The following TIAM1 variants were observed in gnomAD, a reference collection of about 807,000 sequenced individuals.
TIAM1 encodes the protein rho guanine nucleotide exchange factor TIAM1.
Under a neutral mutation model 163.5 loss-of-function variants are expected in TIAM1, and 65 were observed. The ratio of observed to expected loss-of-function variants is 0.40; its 90% CI spans 0.33 to 0.49. The LOEUF (loss-of-function observed/expected upper bound fraction) is 0.49, where lower values mean the gene tolerates loss of function less well. Ranked by LOEUF, TIAM1 falls within the 20% of genes least tolerant of loss-of-function variation. The pLI is 0.77. For synonymous variants in TIAM1, 833 were observed against 810.1 expected (o/e 1.03, Z -0.48); for missense variants, 1,789 against 2,044.7 (o/e 0.87, Z 2.41).
chr21:31,174,985 AC>A (rs2084694106), intron 15 of TIAM1, among the ~76,000 whole-genome samples: 1 of 151,882 alleles, frequency 6.6e-6, no homozygotes, highest in East Asian at 1.9e-4. Flanking sequence ...TGCTTGTCTC[AC>A]AGGCTGTGTG....
chr21:31,166,292 G>A (rs1441619638), intron 15 of TIAM1, among the ~76,000 whole-genome samples: 6 of 152,202 alleles, frequency 3.9e-5, no homozygotes, highest in Non-Finnish European at 7.3e-5. Context: ...ACGGACTAGA[G>A]CACTATCAAT....
At chr21:31,163,870 CA>C (rs201600996) in intron 16 of TIAM1, among the ~76,000 whole-genome samples, 7 of 150,364 alleles carry the variant, frequency 4.7e-5, no homozygotes, top group African/African-American at 1.2e-4. Context: ...AAGCGTCAAG[CA>C]AAAAAAAGAG....
At chr21:31,176,122 C>G (rs564256195) in intron 15 of TIAM1, among the ~76,000 whole-genome samples, 1 of 152,122 alleles carries the variant, frequency 6.6e-6, no homozygotes, top group African/African-American at 2.4e-5. Flanking sequence ...ACTATTGTCT[C>G]GTAGTGGCTT....
intron 4 of TIAM1, among the ~76,000 whole-genome samples, chr21:31,259,586 C>T (rs894863609): frequency 6.6e-6 from 1 of 151,662 alleles, no homozygotes; most frequent in Non-Finnish European, 1.5e-5. Flanking sequence ...ATAGCCACTG[C>T]ACTCCAGCCT....
chr21:31,241,351 C>CAG (rs546997975), intron 6 of TIAM1, among the ~76,000 whole-genome samples: 1,657 of 152,254 alleles, frequency 0.011, 28 homozygotes, highest in African/African-American at 0.038. Flanking sequence ...AAGGCTAAGG[C>CAG]AGAGATGAAG....
intron 1 of TIAM1, among the ~76,000 whole-genome samples, chr21:31,517,220 C>G (rs953904729): frequency 1.3e-5 from 2 of 152,034 alleles, no homozygotes; most frequent in Non-Finnish European, 2.9e-5. Context: ...ATCACACGAT[C>G]TCAGGAGATC....
intron 2 of TIAM1, among the ~76,000 whole-genome samples, chr21:31,441,605 T>C (rs1450850769): frequency 6.6e-6 from 1 of 152,206 alleles, no homozygotes. Flanking sequence ...TAACCTTTTG[T>C]TGGGTTAAGC....
At chr21:31,324,244 G>A (rs2075411793) in intron 2 of TIAM1, among the ~76,000 whole-genome samples, 1 of 151,950 alleles carries the variant, frequency 6.6e-6, no homozygotes, top group South Asian at 2.1e-4. Context: ...GACAGACTGT[G>A]GGTGGATACT....
intron 2 of TIAM1, among the ~76,000 whole-genome samples, chr21:31,359,371 G>A (rs2076366001): frequency 6.6e-6 from 1 of 152,116 alleles, no homozygotes; most frequent in Non-Finnish European, 1.5e-5. Flanking sequence ...CACACAGTAG[G>A]ACCTAAAAAT....
At chr21:31,352,201 A>C (rs572398121) in intron 2 of TIAM1, among the ~76,000 whole-genome samples, 1 of 152,338 alleles carries the variant, frequency 6.6e-6, no homozygotes, top group East Asian at 1.9e-4. Flanking sequence ...CAGATGAATG[A>C]ATAAACAAAA....
chr21:31,135,776 G>C lies in TIAM1; in HGVS notation c.3883+157C>G, dbSNP rs71321371. Among the ~76,000 whole-genome samples the C allele has an allele frequency of 0.012, 1,874 of 152,320 alleles. 22 individuals carry two copies. The highest frequency in any genetic ancestry group is 0.02 in the Middle Eastern group (6 of 294). ...CAATTTAACTCGAAGGTTTCATTTA[G>C]TGTTTGTGAGATGTTGGTGGCTACG... On this transcript the variant is annotated intron_variant, in intron 23 of 27. Transcript: ENST00000541036.
chr21:31,518,295 G>GT (rs989098815), intron 1 of TIAM1, among the ~76,000 whole-genome samples: 30 of 150,888 alleles, frequency 2.0e-4, no homozygotes, highest in East Asian at 7.8e-4. Context: ...GTTTTTTGGG[G>GT]TTTTTTTTTG....
intron 27 of TIAM1, among the ~76,000 whole-genome samples, chr21:31,122,175 G>A (rs772439585): frequency 6.6e-6 from 1 of 152,096 alleles, no homozygotes; most frequent in African/African-American, 2.4e-5. Context: ...TGAGTGTTCC[G>A]CCATCTAAAA....
intron 1 of TIAM1, among the ~76,000 whole-genome samples, chr21:31,498,115 C>T (rs1264465947): frequency 6.6e-6 from 1 of 152,214 alleles, no homozygotes. Flanking sequence ...TAAACAGCAT[C>T]CAACCCTCTT....
Position 31,225,801 on chromosome 21 carries a change from T to C in TIAM1, c.1734A>G (p.Glu578=), listed in dbSNP as rs868317011. 6.2e-7 allele frequency: 1 copy of C among 1,614,200 alleles called. No homozygotes were observed. The highest frequency in any genetic ancestry group is 1.6e-4 in the Middle Eastern group (1 of 6,062). Residue 578 remains glutamate, a synonymous_variant, in exon 7 of 28, where the codon GAA becomes GAG. Transcript: ENST00000541036. ...KKLEQKIDMD[E]KMKKMGEMQL... Reference sequence around the variant, plus strand: ...GCATTTCACCCATTTTCTTCATCTTTTCATCCATGTCAATCTTCTGTTCCA... The same window carrying C: ...GCATTTCACCCATTTTCTTCATCTTCTCATCCATGTCAATCTTCTGTTCCA...
At chr21:31,513,421 T>C (rs1320882696) in intron 1 of TIAM1, among the ~76,000 whole-genome samples, 1 of 152,210 alleles carries the variant, frequency 6.6e-6, no homozygotes, top group African/African-American at 2.4e-5. Context: ...CTGTTCGCTA[T>C]TAAGCGAACT....
chr21:31,368,081 T>C (rs1337232605), intron 2 of TIAM1, among the ~76,000 whole-genome samples: 1 of 152,174 alleles, frequency 6.6e-6, no homozygotes. Context: ...TTTTAAAACA[T>C]GTTCTCTGAT....
At chr21:31,211,095 G>C (rs936639619) in intron 10 of TIAM1, among the ~76,000 whole-genome samples, 2 of 152,146 alleles carry the variant, frequency 1.3e-5, no homozygotes, top group African/African-American at 4.8e-5. Context: ...GAACTTGACG[G>C]ATAACATCAT....
chr21:31,391,025 C>T (rs1292077900), intron 2 of TIAM1, among the ~76,000 whole-genome samples: 1 of 152,124 alleles, frequency 6.6e-6, no homozygotes, highest in Non-Finnish European at 1.5e-5. Flanking sequence ...GATACCAGGG[C>T]ACCCTGGACC....
Sources: gnomAD v4.1 joint callset for allele counts (sites outside exome capture counted in the v4.1 genomes callset) on GRCh38, gnomAD v4.1.1 for gene constraint, MANE v1.5 for transcripts, NCBI Gene and HGNC (gene_info 2026-07-23, HGNC 2026-07-21) for gene names.